Variants in MYO9A observed in about 807,000 individuals in gnomAD.
MYO9A encodes myosin IXA.
In MYO9A, 103 loss-of-function variants were observed where a neutral mutation model predicts 293.3. That is an observed-to-expected ratio of 0.35 (90% CI 0.30 to 0.41). The LOEUF is 0.41. MYO9A is among the 10% of genes least tolerant of loss of function. MYO9A has a pLI of 1.00. For synonymous variants in MYO9A, 1,001 were observed against 1,035.7 expected, an observed-to-expected ratio of 0.97 and a Z score of 0.64; for missense variants, 2,685 against 3,033.0, an observed-to-expected ratio of 0.89 and a Z score of 2.69.
intron 15 of MYO9A, among the ~76,000 whole-genome samples, chr15:71,950,049 G>A (rs2059017161): frequency 1.3e-5 from 2 of 151,830 alleles, no homozygotes; most frequent in African/African-American, 2.4e-5. Context: ...TTTTATCACT[G>A]TTACTTGTGG....
chr15:71,874,485 A>C (rs2142207295), intron 32 of MYO9A, among the ~76,000 whole-genome samples: 1 of 152,352 alleles, frequency 6.6e-6, no homozygotes, highest in East Asian at 1.9e-4. Context: ...AGATCATGTC[A>C]AGCCTTGTAG....
At chr15:71,995,336 C>T (rs1463995489) in intron 9 of MYO9A, among the ~76,000 whole-genome samples, 2 of 152,156 alleles carry the variant, frequency 1.3e-5, no homozygotes, top group African/African-American at 4.8e-5. Flanking sequence ...ACCACAATTA[C>T]ATTGGTAGTT....
intron 1 of MYO9A, among the ~76,000 whole-genome samples, chr15:72,076,203 G>A (rs562364532): frequency 5.9e-5 from 9 of 151,908 alleles, no homozygotes; most frequent in African/African-American, 1.9e-4. Context: ...TACTAGGGAG[G>A]TTGAGGCAGG....
chr15:71,897,717 G>C lies in MYO9A; in HGVS notation c.4786C>G (p.Pro1596Ala), dbSNP rs761775932. Residue 1596 changes from proline (P) to alanine (A), a missense_variant, in exon 25 of 42, where the codon CCA becomes GCA. Pro to Ala is a conservative substitution (Grantham distance 27). Transcript: ENST00000356056. ...AACACGGTGACAGGTCGGTCCTTTG[G>C]GGGTAAGTGAGCAGAGGAACTGTCT... is the stretch of plus-strand genomic sequence containing the variant. ...QKDSSSAHLP[P>A]KDRPVTVFFE... 7 of 1,613,958 alleles carry C rather than the reference G, an allele frequency of 4.3e-6. No individual in the cohort carries two copies. Among genetic ancestry groups the C allele is most frequent in the Non-Finnish European group, 5.9e-6 (7 of 1,180,020 alleles).
At chr15:71,904,902 C>T in intron 20 of MYO9A, 24 bp downstream of exon 20, 2 of 1,548,206 alleles carry the variant, frequency 1.3e-6, no homozygotes, top group Non-Finnish European at 1.8e-6. Flanking sequence ...GAGATATGTG[C>T]TCTCATTTAT....
intron 6 of MYO9A, among the ~76,000 whole-genome samples, chr15:72,014,356 T>C (rs1055860152): frequency 2.0e-5 from 3 of 152,202 alleles, no homozygotes; most frequent in Non-Finnish European, 4.4e-5. Flanking sequence ...CTAGTAGTTA[T>C]AAAAATGTAT....
At chr15:71,836,621 A>G (rs1267883305) in intron 39 of MYO9A, among the ~76,000 whole-genome samples, 1 of 152,108 alleles carries the variant, frequency 6.6e-6, no homozygotes, top group Non-Finnish European at 1.5e-5. Context: ...ATACACTGAT[A>G]AACTATACAG....
chr15:72,070,125 T>C lies in MYO9A; in HGVS notation c.-71-23491A>G, dbSNP rs567740003. Among the ~76,000 whole-genome samples, 732 of 114,298 alleles carry C rather than the reference T, an allele frequency of 6.4e-3. 11 individuals are homozygous for C. The highest frequency in any genetic ancestry group is 0.024 in the African/African-American group (693 of 28,578). 75.0% of individuals were successfully genotyped at this position (114,298 alleles called of 152,430 possible). A position where few individuals can be genotyped will look rare whatever the true frequency, so the allele number is the denominator to read the frequency against. ...ACCTGGGTGACACAGTGAGACTATG[T>C]CTCAAAAAAAAAAAAAAAAAAAAGA... is the stretch of plus-strand genomic sequence containing the variant. On this transcript the variant is annotated intron_variant, in intron 1 of 41. Transcript: ENST00000356056.
intron 18 of MYO9A, among the ~76,000 whole-genome samples, chr15:71,926,058 T>C (rs1371019590): frequency 6.6e-6 from 1 of 152,050 alleles, no homozygotes; most frequent in African/African-American, 2.4e-5. Flanking sequence ...GATCCTAAGG[T>C]GGTAAATGGG....
chr15:71,901,094 T>G, intron 23 of MYO9A, 97 bp downstream of exon 23: 1 of 1,325,112 alleles, frequency 7.5e-7, no homozygotes. Context: ...GAAGTTCACA[T>G]TATTACTGAA....
intron 18 of MYO9A, among the ~76,000 whole-genome samples, chr15:71,929,133 A>G (rs974047397): frequency 6.6e-6 from 1 of 152,084 alleles, no homozygotes; most frequent in African/African-American, 2.4e-5. Context: ...TGTATCCTGA[A>G]ACATTACTGA....
intron 19 of MYO9A, among the ~76,000 whole-genome samples, chr15:71,915,877 T>C (rs1344314736): frequency 6.6e-6 from 1 of 152,134 alleles, no homozygotes; most frequent in African/African-American, 2.4e-5. Flanking sequence ...AAAATTATTC[T>C]GGAAGAAATT....
intron 10 of MYO9A, among the ~76,000 whole-genome samples, chr15:71,992,417 G>A (rs1403797874): frequency 2.6e-5 from 4 of 152,030 alleles, no homozygotes; most frequent in Admixed American, 6.6e-5. Flanking sequence ...GAGATACAAC[G>A]GGCAAACTGA....
At chr15:71,889,798 T>C (rs1467484822) in intron 26 of MYO9A, 1 of 152,114 alleles carries the variant, frequency 6.6e-6, no homozygotes, top group South Asian at 2.1e-4. Context: ...AAAGTACCAA[T>C]CCCAGGTGGT....
intron 32 of MYO9A, among the ~76,000 whole-genome samples, chr15:71,869,058 CT>C (rs2056426727): frequency 1.5e-5 from 2 of 135,100 alleles, no homozygotes; most frequent in African/African-American, 6.0e-5. Flanking sequence ...TGTAGAATGA[CT>C]GATGGAATTT....
chr15:72,014,672 C>T (rs543644544), intron 6 of MYO9A, among the ~76,000 whole-genome samples: 151 of 131,866 alleles, frequency 1.1e-3, no homozygotes, highest in African/African-American at 3.9e-3. Context: ...GGTGACAGAG[C>T]GAGATACCAT....
intron 12 of MYO9A, 45 bp downstream of exon 12, chr15:71,978,126 A>G: frequency 1.2e-6 from 2 of 1,600,698 alleles, no homozygotes; most frequent in Non-Finnish European, 8.5e-7. Flanking sequence ...AAGGAGATAA[A>G]AAGCCAAAAC....
intron 15 of MYO9A, 152 bp from the exon 16 acceptor site, chr15:71,939,079 A>C (rs2058706068): frequency 1.8e-6 from 1 of 565,542 alleles, no homozygotes. Context: ...AAGTCTCATA[A>C]CTGTCATAGA....
intron 1 of MYO9A, among the ~76,000 whole-genome samples, chr15:72,106,074 TAC>T (rs1404874755): frequency 6.6e-6 from 1 of 152,126 alleles, no homozygotes; most frequent in African/African-American, 2.4e-5. Flanking sequence ...GAAAAGAGAA[TAC>T]ATATATTTTA....
Sources: allele counts gnomAD v4.1 joint callset (sites outside exome capture counted in the v4.1 genomes callset), GRCh38; gene constraint gnomAD v4.1.1; transcripts MANE v1.5; gene names NCBI Gene and HGNC (gene_info 2026-07-23, HGNC 2026-07-21).